Variants in TENM4 observed in about 807,000 individuals in gnomAD.
The protein encoded by TENM4 is teneurin transmembrane protein 4, also known as teneurin-4.
Under a neutral mutation model 243.3 loss-of-function variants are expected in TENM4, and 82 were observed. The ratio of observed to expected loss-of-function variants is 0.34; its 90% CI spans 0.28 to 0.40. TENM4 has a LOEUF of 0.40. Among genes scored for constraint, TENM4 ranks in the 10% least tolerant of loss-of-function variants. The probability of loss-of-function intolerance (pLI) is 1.00; values close to 1 mark genes in which losing one functional copy is unlikely to be tolerated. For missense variants in TENM4, 3,138 were observed against 3,673.3 expected (o/e 0.85, Z 3.77); for synonymous variants, 1,412 against 1,456.3 (o/e 0.97, Z 0.69).
intron 2 of TENM4, among the ~76,000 whole-genome samples, chr11:79,243,954 A>C (rs1855469745): frequency 6.6e-6 from 1 of 152,216 alleles, no homozygotes; most frequent in African/African-American, 2.4e-5. Flanking sequence ...ACTGTGATCC[A>C]GCAGGCCTTG....
intron 1 of TENM4, among the ~76,000 whole-genome samples, chr11:79,395,953 A>C (rs1310653598): frequency 6.6e-6 from 1 of 152,214 alleles, no homozygotes; most frequent in Non-Finnish European, 1.5e-5. Context: ...TGTAAAATGG[A>C]GGCAATAATA....
chr11:79,250,010 G>A (rs1855582572), intron 2 of TENM4, among the ~76,000 whole-genome samples: 1 of 152,088 alleles, frequency 6.6e-6, no homozygotes, highest in Admixed American at 6.6e-5. Flanking sequence ...TTTTTAGATG[G>A]AGTCTTGCTC....
chr11:78,813,419 T>C (rs1857539751), intron 13 of TENM4, among the ~76,000 whole-genome samples: 1 of 152,226 alleles, frequency 6.6e-6, no homozygotes, highest in Non-Finnish European at 1.5e-5. Flanking sequence ...TATAGCGTAT[T>C]TCACTTACTA....
intron 3 of TENM4, among the ~76,000 whole-genome samples, chr11:79,212,680 C>T (rs975802833): frequency 1.3e-5 from 2 of 152,234 alleles, no homozygotes; most frequent in Admixed American, 6.5e-5. Flanking sequence ...AAGCTAACTC[C>T]AGGGCTCTCC....
intron 1 of TENM4, among the ~76,000 whole-genome samples, chr11:79,317,774 A>C (rs1856826828): frequency 6.6e-6 from 1 of 152,158 alleles, no homozygotes; most frequent in Non-Finnish European, 1.5e-5. Context: ...CCAATGTCCC[A>C]AAATAACCTC....
intron 6 of TENM4, among the ~76,000 whole-genome samples, chr11:79,058,613 C>G (rs1259583106): frequency 6.6e-6 from 1 of 152,106 alleles, no homozygotes; most frequent in Non-Finnish European, 1.5e-5. Flanking sequence ...CACCCTGGCT[C>G]TGACATTTAC....
At chr11:78,712,967 C>A (rs550796100) in intron 25 of TENM4, among the ~76,000 whole-genome samples, 4 of 152,244 alleles carry the variant, frequency 2.6e-5, no homozygotes, top group South Asian at 2.1e-4. Flanking sequence ...TTGCAAAAAC[C>A]CCTTCAAGAT....
intron 12 of TENM4, among the ~76,000 whole-genome samples, chr11:78,851,228 C>G (rs948569952): frequency 6.6e-6 from 1 of 152,196 alleles, no homozygotes; most frequent in African/African-American, 2.4e-5. Flanking sequence ...GCAGAATCTG[C>G]ATTTTATCAA....
At chr11:79,006,395 C>T (rs1409651743) in intron 6 of TENM4, among the ~76,000 whole-genome samples, 1 of 152,122 alleles carries the variant, frequency 6.6e-6, no homozygotes, top group Non-Finnish European at 1.5e-5. Context: ...ATGATATACG[C>T]AGATCTAAAT....
At chr11:78,748,846 T>C (rs867171314) in intron 19 of TENM4, among the ~76,000 whole-genome samples, 1 of 152,314 alleles carries the variant, frequency 6.6e-6, no homozygotes, top group Middle Eastern at 3.4e-3. Flanking sequence ...GACATCGGGC[T>C]TCTGGGTATT....
chr11:79,414,781 C>T (rs1858777646), intron 1 of TENM4, among the ~76,000 whole-genome samples: 1 of 152,182 alleles, frequency 6.6e-6, no homozygotes, highest in East Asian at 1.9e-4. Flanking sequence ...AGACATGGAA[C>T]CCAACCAAGC....
intron 29 of TENM4, among the ~76,000 whole-genome samples, chr11:78,677,907 A>G (rs1417336019): frequency 1.7e-5 from 2 of 117,464 alleles, no homozygotes; most frequent in African/African-American, 3.2e-5. Flanking sequence ...ATATCTCCCA[A>G]TGCTATCCCT....
rs139485428 is a variant in TENM4 at position 79,099,544 on chromosome 11, T to A, written c.-65-29535A>T. 7.6e-3 allele frequency among the ~76,000 whole-genome samples: 1,165 copies of A among 152,290 alleles called. 20 individuals are homozygous for A. The highest frequency in any genetic ancestry group is 0.026 in the African/African-American group (1,088 of 41,542). On this transcript the variant is annotated intron_variant, in intron 4 of 33. Coordinates refer to ENST00000278550, the MANE Select transcript of TENM4 (RefSeq NM_001098816.3). ...CTAATTGCAATGATCATCAAAACTA[T>A]TTCATGCAGATTTTCCCAAAATGAA...
intron 1 of TENM4, among the ~76,000 whole-genome samples, chr11:79,391,561 T>A (rs559008447): frequency 6.6e-6 from 1 of 152,356 alleles, no homozygotes; most frequent in East Asian, 1.9e-4. Flanking sequence ...TTATCAATCC[T>A]GACACTCAAA....
chr11:78,928,656 C>G (rs1856604312), intron 6 of TENM4, among the ~76,000 whole-genome samples: 1 of 152,186 alleles, frequency 6.6e-6, no homozygotes, highest in African/African-American at 2.4e-5. Context: ...TATTATATCA[C>G]TTTCAAAATC....
At chr11:79,294,111 A>G (rs1383125535) in intron 2 of TENM4, among the ~76,000 whole-genome samples, 1 of 152,216 alleles carries the variant, frequency 6.6e-6, no homozygotes, top group Non-Finnish European at 1.5e-5. Flanking sequence ...TGGCTAATGA[A>G]ATAATCAAAT....
At chr11:79,161,470 A>G (rs1862745200) in intron 3 of TENM4, among the ~76,000 whole-genome samples, 1 of 152,342 alleles carries the variant, frequency 6.6e-6, no homozygotes, top group Non-Finnish European at 1.5e-5. Context: ...TCTAAATCCA[A>G]CGAGGGGCTC....
intron 2 of TENM4, among the ~76,000 whole-genome samples, chr11:79,282,874 C>G (rs989896134): frequency 6.6e-6 from 1 of 151,958 alleles, no homozygotes; most frequent in Admixed American, 6.6e-5. Context: ...CAGGCTGGGT[C>G]CCCAGTATTA....
intron 9 of TENM4, among the ~76,000 whole-genome samples, chr11:78,884,884 C>A (rs1268754170): frequency 3.3e-5 from 5 of 152,154 alleles, no homozygotes; most frequent in Non-Finnish European, 7.3e-5. Context: ...GGCTCAGTGT[C>A]CTCATCTGTC....
Sources: gnomAD v4.1 joint callset for allele counts (sites outside exome capture counted in the v4.1 genomes callset) on GRCh38, gnomAD v4.1.1 for gene constraint, MANE v1.5 for transcripts, NCBI Gene and HGNC (gene_info 2026-07-23, HGNC 2026-07-21) for gene names.